Variants in PBX3 observed in about 807,000 individuals in gnomAD.
PBX3 encodes the protein pre-B-cell leukemia transcription factor 3.
A neutral mutation model predicts 48.5 loss-of-function variants in PBX3; 14 were observed. The ratio of observed to expected loss-of-function variants is 0.29; its 90% CI spans 0.19 to 0.45. PBX3 has a LOEUF of 0.45. Ranked by LOEUF, PBX3 falls within the 20% of genes least tolerant of loss-of-function variation. PBX3 has a pLI of 1.00. For synonymous variants in PBX3, 210 were observed against 200.3 expected, an observed-to-expected ratio of 1.05 and a Z score of -0.41; for missense variants, 386 against 546.7, an observed-to-expected ratio of 0.71 and a Z score of 2.93.
chr9:125,826,955 A>G (rs867875106), intron 2 of PBX3, among the ~76,000 whole-genome samples: 3 of 152,282 alleles, frequency 2.0e-5, no homozygotes, highest in South Asian at 2.1e-4. Flanking sequence ...CTACCCTGCT[A>G]TCAAACATTA....
At chr9:125,811,992 C>A (rs754590416) in intron 2 of PBX3, among the ~76,000 whole-genome samples, 1 of 152,134 alleles carries the variant, frequency 6.6e-6, no homozygotes, top group African/African-American at 2.4e-5. Flanking sequence ...TATATTAATA[C>A]CCTTGTAAAA....
chr9:125,785,205 G>T (rs1309462923), intron 2 of PBX3, among the ~76,000 whole-genome samples: 2 of 152,224 alleles, frequency 1.3e-5, no homozygotes, highest in African/African-American at 4.8e-5. Context: ...ACTTGATTGG[G>T]TTGAAGGATG....
chr9:125,873,477 AG>A (rs1840176884), intron 2 of PBX3, among the ~76,000 whole-genome samples: 1 of 152,224 alleles, frequency 6.6e-6, no homozygotes. Context: ...GGAAAGAATC[AG>A]CATGACACAT....
intron 2 of PBX3, among the ~76,000 whole-genome samples, chr9:125,848,374 T>C (rs977016067): frequency 3.9e-5 from 6 of 152,036 alleles, no homozygotes; most frequent in Non-Finnish European, 2.9e-5. Flanking sequence ...GTGGTTTATT[T>C]TGAAAGTTGA....
Position 125,805,262 on chromosome 9 carries a change from C to A in PBX3, c.274+56639C>A, listed in dbSNP as rs574123744. ...GTAAGGATTTGTTGGACTTGAGGAA[C>A]AGAGTGGATGCCTTTGGGATTAGAG... On this transcript the variant is annotated intron_variant, in intron 2 of 8. Transcript: ENST00000373489. 4.0e-5 allele frequency among the ~76,000 whole-genome samples: 6 copies of A among 151,422 alleles called. No individual in the cohort carries two copies. In the South Asian group the frequency reaches 1.3e-3, roughly 32 times the overall value.
intron 5 of PBX3, among the ~76,000 whole-genome samples, chr9:125,936,602 G>A (rs1841841473): frequency 6.6e-6 from 1 of 152,130 alleles, no homozygotes; most frequent in Admixed American, 6.5e-5. Context: ...TCATATCAGT[G>A]TATGAAGTCA....
At chr9:125,848,747 A>T (rs1839498418) in intron 2 of PBX3, among the ~76,000 whole-genome samples, 1 of 152,018 alleles carries the variant, frequency 6.6e-6, no homozygotes, top group Admixed American at 6.6e-5. Context: ...TACAGTATTG[A>T]ATAAAAGAAA....
intron 2 of PBX3, 80 bp from the exon 3 acceptor site, chr9:125,915,606 C>T (rs977812033): frequency 1.2e-5 from 13 of 1,083,420 alleles, no homozygotes; most frequent in African/African-American, 3.2e-5. Flanking sequence ...ATCATTTTCT[C>T]GAATAAACAA....
At chr9:125,838,698 T>C (rs916748390) in intron 2 of PBX3, among the ~76,000 whole-genome samples, 2 of 152,256 alleles carry the variant, frequency 1.3e-5, no homozygotes, top group Non-Finnish European at 2.9e-5. Context: ...TTTCTGCTAA[T>C]GTCAAGTGAC....
chr9:125,939,761 C>T (rs1230126634), intron 5 of PBX3, among the ~76,000 whole-genome samples: 1 of 152,134 alleles, frequency 6.6e-6, no homozygotes, highest in Non-Finnish European at 1.5e-5. Context: ...GAATGATCTA[C>T]AAGTATCAAT....
At chr9:125,955,407 CTTTCCTCTCCTT>C (rs1842284117) in intron 5 of PBX3, among the ~76,000 whole-genome samples, 1 of 152,194 alleles carries the variant, frequency 6.6e-6, no homozygotes, top group South Asian at 2.1e-4. Flanking sequence ...CAGATGCTAC[CTTTCCTCTCCTT>C]TTTCTGTAGA....
chr9:125,947,653 TAGTA>T (rs1187080219), intron 5 of PBX3, among the ~76,000 whole-genome samples: 3 of 152,044 alleles, frequency 2.0e-5, no homozygotes, highest in Non-Finnish European at 4.4e-5. Flanking sequence ...AGGAAGTACT[TAGTA>T]AGATGATAGG....
intron 2 of PBX3, among the ~76,000 whole-genome samples, chr9:125,811,314 A>G (rs1046445398): frequency 6.6e-6 from 1 of 152,212 alleles, no homozygotes; most frequent in Non-Finnish European, 1.5e-5. Context: ...AGGGAAGTGC[A>G]GGATCAGGCT....
rs1007762512 is a variant in PBX3 at position 125,966,303 on chromosome 9, C to G, written c.*380C>G. ...AACCGTTAAAGCAGATGCAAAAATT[C>G]ACCTCACCTAAATTGAACTTCTTGC... On this transcript the variant is annotated 3_prime_UTR_variant, in exon 9 of 9. Coordinates refer to ENST00000373489, the MANE Select transcript of PBX3 (RefSeq NM_006195.6). 3.8e-4 allele frequency: 59 copies of G among 156,430 alleles called. No individual in the cohort carries two copies. The highest frequency in any genetic ancestry group is 7.6e-4 in the Non-Finnish European group (54 of 70,600). 9.7% of individuals were successfully genotyped at this position (156,430 alleles called of 1,614,324 possible). A position where few individuals can be genotyped will look rare whatever the true frequency, so the allele number is the denominator to read the frequency against.
At chr9:125,805,180 A>AT (rs1177455033) in intron 2 of PBX3, among the ~76,000 whole-genome samples, 1 of 152,136 alleles carries the variant, frequency 6.6e-6, no homozygotes, top group Non-Finnish European at 1.5e-5. Flanking sequence ...TAAAAAAAAA[A>AT]ACTGGGAGAA....
At position 125,863,535 on chromosome 9, in the gene PBX3, G is replaced by A. The variant is rs1588233921; in HGVS notation, c.275-52151G>A. Among the ~76,000 whole-genome samples, 3 of 152,162 alleles carry A rather than the reference G, an allele frequency of 2.0e-5. No individual in the cohort carries two copies. The East Asian group carries it at 5.8e-4, about 29-fold the overall frequency. On this transcript the variant is annotated intron_variant, in intron 2 of 8. Coordinates refer to ENST00000373489, the MANE Select transcript of PBX3 (RefSeq NM_006195.6). ...CTGACATATGATTTTTAAAATTGGTGTTTAAAAAGTCTAAAAGGCCTTTTC... is the reference window on the plus strand; with the variant it reads ...CTGACATATGATTTTTAAAATTGGTATTTAAAAAGTCTAAAAGGCCTTTTC...
chr9:125,902,891 C>T (rs1487635860), intron 2 of PBX3, among the ~76,000 whole-genome samples: 3 of 151,684 alleles, frequency 2.0e-5, no homozygotes, highest in African/African-American at 7.3e-5. Context: ...TTAAAAATAA[C>T]ACTTGTAAAC....
chr9:125,775,316 T>G (rs1035216406), intron 2 of PBX3, among the ~76,000 whole-genome samples: 1 of 152,262 alleles, frequency 6.6e-6, no homozygotes, highest in African/African-American at 2.4e-5. Context: ...GTTGGTCATT[T>G]GTCCTTGGAA....
At position 125,960,746 on chromosome 9, in the gene PBX3, A is replaced by G. The variant is rs1842410781; in HGVS notation, c.906A>G (p.Glu302=). The G allele has an allele frequency of 5.0e-6, 8 of 1,614,122 alleles. No homozygotes were observed. Among genetic ancestry groups the G allele is most frequent in the Non-Finnish European group, 5.9e-6 (7 of 1,180,032 alleles). ...RYKKNIGKFQ[E]EANLYAAKTA... The stretch of plus-strand genomic sequence containing the variant: ...AGAAGAACATTGGCAAGTTTCAGGA[A>G]GAAGCCAACCTCTATGCTGCAAAGA... Residue 302 remains glutamate (E), a synonymous_variant, in exon 6 of 9, where the codon GAA becomes GAG. Transcript: ENST00000373489.
Sources: gnomAD v4.1 joint callset for allele counts (sites outside exome capture counted in the v4.1 genomes callset) on GRCh38, gnomAD v4.1.1 for gene constraint, MANE v1.5 for transcripts, NCBI Gene and HGNC (gene_info 2026-07-23, HGNC 2026-07-21) for gene names.